The following USH2A variants were observed in gnomAD, a reference collection of about 807,000 sequenced individuals.
USH2A encodes the protein usherin.
A neutral mutation model predicts 538.9 loss-of-function variants in USH2A; 443 were observed. That is an observed-to-expected ratio of 0.82 (90% CI 0.76 to 0.89). USH2A has a LOEUF of 0.89. Ranked by LOEUF, USH2A falls within the 40% of genes least tolerant of loss-of-function variation. The pLI, the probability that USH2A is intolerant of heterozygous loss-of-function variation, is 0.00. For synonymous variants in USH2A, 2,413 were observed against 2,273.5 expected (o/e 1.06, Z -1.75); for missense variants, 6,633 against 6,324.8 (o/e 1.05, Z -1.65).
At chr1:215,779,815 A>G (rs1489115696) in intron 55 of USH2A, 28 bp downstream of exon 55, 2 of 1,611,052 alleles carry the variant, frequency 1.2e-6, no homozygotes, top group Non-Finnish European at 1.7e-6. Context: ...CTCCTCCAGT[A>G]GGATTTCCTT....
intron 34 of USH2A, among the ~76,000 whole-genome samples, chr1:215,994,188 A>G (rs1386545792): frequency 6.6e-6 from 1 of 152,170 alleles, no homozygotes; most frequent in East Asian, 1.9e-4. Context: ...AAGCAAAATC[A>G]TAAGACAATG....
intron 38 of USH2A, among the ~76,000 whole-genome samples, chr1:215,903,714 T>A (rs1230724357): frequency 1.3e-5 from 2 of 152,108 alleles, no homozygotes; most frequent in African/African-American, 4.8e-5. Context: ...TCTCCTTTGA[T>A]GATGCGCAGT....
At chr1:216,074,324 TTCTCTC>T (rs35866358) in intron 27 of USH2A, among the ~76,000 whole-genome samples, 45 of 149,174 alleles carry the variant, frequency 3.0e-4, no homozygotes, top group African/African-American at 9.8e-4. Flanking sequence ...AGCGTGCATG[TTCTCTC>T]TCTCTCTCTC....
chr1:215,723,095 C>G (rs1472871793), intron 61 of USH2A, among the ~76,000 whole-genome samples: 1 of 152,088 alleles, frequency 6.6e-6, no homozygotes, highest in African/African-American at 2.4e-5. Context: ...GAGTTTAAGG[C>G]CTTCTAATTA....
chr1:216,009,101 C>A (rs1668480273), intron 32 of USH2A, among the ~76,000 whole-genome samples: 1 of 151,994 alleles, frequency 6.6e-6, no homozygotes. Flanking sequence ...ACCCCAATCC[C>A]TTATTTCCAC....
chr1:216,264,657 T>C (rs1445461734), intron 11 of USH2A, among the ~76,000 whole-genome samples: 1 of 152,060 alleles, frequency 6.6e-6, no homozygotes, highest in Non-Finnish European at 1.5e-5. Context: ...GAGGATATCA[T>C]ACTACTTAAC....
chr1:215,963,251 C>T (rs1299296280), intron 37 of USH2A, among the ~76,000 whole-genome samples: 1 of 152,008 alleles, frequency 6.6e-6, no homozygotes, highest in Non-Finnish European at 1.5e-5. Context: ...GCAGACCTCC[C>T]TACCCTCAGT....
chr1:215,841,071 C>T (rs1240264038), intron 46 of USH2A, among the ~76,000 whole-genome samples: 4 of 152,098 alleles, frequency 2.6e-5, no homozygotes, highest in African/African-American at 9.7e-5. Context: ...AAAAACATTC[C>T]ATGCTCATGG....
rs556402063 is a variant in USH2A, at chr1:216,200,248, A to G, written c.3317-127T>C. On this transcript the variant is annotated intron_variant, in intron 16 of 71. Coordinates refer to ENST00000307340, the MANE Select transcript of USH2A (RefSeq NM_206933.4). The stretch of plus-strand genomic sequence containing the variant: ...TACCAATCTACTCTTTTGATTAAGG[A>G]TACATTTCATATTTTTAAAATTGAA... 11 of 994,534 alleles carry G rather than the reference A, an allele frequency of 1.1e-5. No individual in the cohort carries two copies. In the East Asian group the frequency reaches 2.9e-4, roughly 26 times the overall value. 61.6% of individuals were successfully genotyped at this position (994,534 alleles called of 1,614,324 possible). A position where few individuals can be genotyped will look rare whatever the true frequency, so the allele number is the denominator to read the frequency against.
chr1:215,630,526 ATG>A (rs1491532121), intron 70 of USH2A, among the ~76,000 whole-genome samples: 42 of 122,266 alleles, frequency 3.4e-4, no homozygotes, highest in African/African-American at 9.1e-4. Context: ...ATATATATAT[ATG>A]AGAGAGAGAA....
chr1:215,669,042 C>T (rs940892590), intron 64 of USH2A, among the ~76,000 whole-genome samples: 1 of 151,946 alleles, frequency 6.6e-6, no homozygotes, highest in East Asian at 1.9e-4. Context: ...GACTCTGTCT[C>T]GAACAAAGAA....
chr1:216,151,185 A>G (rs1331450033), intron 21 of USH2A, among the ~76,000 whole-genome samples: 1 of 152,026 alleles, frequency 6.6e-6, no homozygotes, highest in Non-Finnish European at 1.5e-5. Flanking sequence ...AGTCCCCATT[A>G]CAACCTCTGA....
intron 30 of USH2A, among the ~76,000 whole-genome samples, chr1:216,068,836 T>G (rs2031465293): frequency 6.6e-6 from 1 of 152,152 alleles, no homozygotes; most frequent in African/African-American, 2.4e-5. Context: ...ATCCAACCCC[T>G]AATAACAACT....
At chr1:215,999,507 C>T (rs1038634828) in intron 33 of USH2A, among the ~76,000 whole-genome samples, 17 of 152,186 alleles carry the variant, frequency 1.1e-4, no homozygotes, top group Admixed American at 7.2e-4. Context: ...GGCAGGACTT[C>T]TTGAATGAAG....
intron 38 of USH2A, among the ~76,000 whole-genome samples, chr1:215,906,564 A>G (rs553895670): frequency 6.6e-6 from 1 of 152,204 alleles, no homozygotes; most frequent in Non-Finnish European, 1.5e-5. Flanking sequence ...AAATCTATAT[A>G]AAAGCAAACC....
At chr1:216,133,458 G>A (rs565260185) in intron 21 of USH2A, among the ~76,000 whole-genome samples, 1 of 152,152 alleles carries the variant, frequency 6.6e-6, no homozygotes, top group East Asian at 1.9e-4. Flanking sequence ...AGGGGTTCAT[G>A]GTAGAACTCA....
intron 37 of USH2A, among the ~76,000 whole-genome samples, chr1:215,935,011 T>C (rs1666458456): frequency 6.6e-6 from 1 of 152,012 alleles, no homozygotes; most frequent in Admixed American, 6.6e-5. Context: ...GGCCAATTCA[T>C]TCATCACGGC....
At chr1:215,965,595 G>T in intron 36 of USH2A, 116 bp from the exon 37 acceptor site, 1 of 1,233,254 alleles carries the variant, frequency 8.1e-7, no homozygotes. Context: ...TTTGACAGTA[G>T]CATCTTGTAT....
intron 40 of USH2A, among the ~76,000 whole-genome samples, chr1:215,898,377 T>C (rs1374008851): frequency 6.6e-6 from 1 of 152,168 alleles, no homozygotes; most frequent in African/African-American, 2.4e-5. Flanking sequence ...TGTTTTATAG[T>C]AAAAAGGAGA....
Sources: gnomAD v4.1 joint callset for allele counts (sites outside exome capture counted in the v4.1 genomes callset) on GRCh38, gnomAD v4.1.1 for gene constraint, MANE v1.5 for transcripts, NCBI Gene and HGNC (gene_info 2026-07-23, HGNC 2026-07-21) for gene names.